CNTNAP3B: variants seen among roughly 807,000 people sequenced by gnomAD.
The protein encoded by CNTNAP3B is contactin associated protein family member 3B.
In CNTNAP3B, 25 loss-of-function variants were observed where a neutral mutation model predicts 108.9. That is an observed-to-expected ratio of 0.23 (90% CI 0.17 to 0.32). The LOEUF (loss-of-function observed/expected upper bound fraction) is 0.32. Among genes scored for constraint, CNTNAP3B ranks in the 10% least tolerant of loss-of-function variants. CNTNAP3B has a pLI of 1.00. For missense variants in CNTNAP3B, 252 were observed against 1,210.4 expected (o/e 0.21, Z 11.75); for synonymous variants, 103 against 473.4 (o/e 0.22, Z 10.16).
At chr9:41,954,914 A>G (rs1165382511) in intron 12 of CNTNAP3B, among the ~76,000 whole-genome samples, 5 of 152,064 alleles carry the variant, frequency 3.3e-5, no homozygotes, top group African/African-American at 1.2e-4. Flanking sequence ...TTGAACTCCC[A>G]ACCTCAGGTG....
intron 3 of CNTNAP3B, among the ~76,000 whole-genome samples, chr9:42,035,802 T>A (rs1161964934): frequency 4.0e-5 from 6 of 149,050 alleles, no homozygotes; most frequent in Non-Finnish European, 7.4e-5. Context: ...GGACTACAGG[T>A]GTGTGCCACT....
intron 18 of CNTNAP3B, among the ~76,000 whole-genome samples, chr9:41,918,452 A>G (rs1455054267): frequency 6.9e-6 from 1 of 145,384 alleles, no homozygotes; most frequent in Non-Finnish European, 1.5e-5. Context: ...TGTTTAGTAC[A>G]CACATACACA....
chr9:41,952,995 G>A (rs867154655), intron 13 of CNTNAP3B, among the ~76,000 whole-genome samples, 188 bp downstream of exon 13: 3 of 152,376 alleles, frequency 2.0e-5, no homozygotes, highest in Admixed American at 2.0e-4. Flanking sequence ...GTCTCTCAAC[G>A]GTCAGGAAGG....
intron 1 of CNTNAP3B, among the ~76,000 whole-genome samples, chr9:42,128,036 T>C (rs969306777): frequency 7.2e-6 from 1 of 138,848 alleles, no homozygotes; most frequent in South Asian, 2.3e-4. Context: ...GAGATGCCAC[T>C]GAAAGAAAAA....
chr9:41,962,437 C>A (rs562460816), intron 11 of CNTNAP3B, among the ~76,000 whole-genome samples: 30 of 152,188 alleles, frequency 2.0e-4, no homozygotes, highest in Admixed American at 8.5e-4. Flanking sequence ...ACTAATATAA[C>A]TCATTGATTA....
chr9:41,955,085 T>C (rs1345462513), intron 12 of CNTNAP3B, among the ~76,000 whole-genome samples: 3 of 150,740 alleles, frequency 2.0e-5, no homozygotes, highest in Non-Finnish European at 4.4e-5. Flanking sequence ...GAAAAACCTA[T>C]GGAACACTAA....
intron 15 of CNTNAP3B, among the ~76,000 whole-genome samples, chr9:41,927,507 C>T (rs1823854120): frequency 6.9e-6 from 1 of 144,128 alleles, no homozygotes; most frequent in African/African-American, 2.6e-5. Flanking sequence ...AAAAGCCAGA[C>T]TGAATGGGAG....
chr9:41,935,108 C>T (rs1824116803), intron 14 of CNTNAP3B, among the ~76,000 whole-genome samples: 1 of 152,272 alleles, frequency 6.6e-6, no homozygotes, highest in Non-Finnish European at 1.5e-5. Flanking sequence ...TATTGACTTG[C>T]AGCATAGTTC....
chr9:42,080,415 A>G (rs145915180), intron 2 of CNTNAP3B, among the ~76,000 whole-genome samples: 2 of 139,954 alleles, frequency 1.4e-5, no homozygotes, highest in African/African-American at 5.7e-5. Flanking sequence ...TCCCAGATGC[A>G]TTTTAAGGGT....
At chr9:41,947,698 A>G (rs1273871266) in intron 13 of CNTNAP3B, among the ~76,000 whole-genome samples, 2 of 152,080 alleles carry the variant, frequency 1.3e-5, no homozygotes, top group East Asian at 3.9e-4. Flanking sequence ...AGATTTCAAT[A>G]GAATTTGAAA....
At chr9:41,927,473 GGGAAGGAA>G (rs199924846) in intron 15 of CNTNAP3B, among the ~76,000 whole-genome samples, 10 of 130,256 alleles carry the variant, frequency 7.7e-5, no homozygotes, top group Middle Eastern at 3.8e-3. Flanking sequence ...GGAGGGAGTG[GGGAAGGAA>G]GGAAGGAAGG....
intron 3 of CNTNAP3B, among the ~76,000 whole-genome samples, chr9:42,018,720 C>G (rs1254769752): frequency 6.6e-6 from 1 of 151,598 alleles, no homozygotes; most frequent in African/African-American, 2.4e-5. Flanking sequence ...GTAAGTGATA[C>G]ATCATATGAT....
At chr9:41,939,034 A>T (rs1264103228) in intron 13 of CNTNAP3B, among the ~76,000 whole-genome samples, 1 of 152,278 alleles carries the variant, frequency 6.6e-6, no homozygotes, top group Non-Finnish European at 1.5e-5. Context: ...AGCTCTGACG[A>T]GTGCGCCTCC....
rs1267095327 is a variant in CNTNAP3B, at chr9:42,114,683, T to C, written c.86-9944A>G. 3.4e-5 allele frequency among the ~76,000 whole-genome samples: 4 copies of C among 117,920 alleles called. 1 individual carries two copies. In the Middle Eastern group the frequency reaches 0.011, roughly 335 times the overall value. The allele number at this position is 117,920 out of a possible 152,430, so 77.4% of individuals were successfully genotyped here. A position where few individuals can be genotyped will look rare whatever the true frequency, so the allele number is the denominator to read the frequency against. On this transcript the variant is annotated intron_variant, in intron 1 of 23. Coordinates refer to ENST00000377561, the MANE Select transcript of CNTNAP3B (RefSeq NM_001201380.3). ...ACTATACAAAGAGACACTGTTGTTATGATTGAGGACAACATCGTTCATCAA... is the reference window on the plus strand; with the variant it reads ...ACTATACAAAGAGACACTGTTGTTACGATTGAGGACAACATCGTTCATCAA...
rs563699470 is a variant in CNTNAP3B at position 41,950,525 on chromosome 9, A to G, written c.2080+2658T>C. Among the ~76,000 whole-genome samples the G allele has an allele frequency of 3.5e-3, 394 of 113,376 alleles. 8 individuals carry two copies. The highest frequency in any genetic ancestry group is 0.013 in the African/African-American group (381 of 30,456). The allele number at this position is 113,376 out of a possible 152,430, so 74.4% of individuals were successfully genotyped here. A position where few individuals can be genotyped will look rare whatever the true frequency, so the allele number is the denominator to read the frequency against. On this transcript the variant is annotated intron_variant, in intron 13 of 23. Coordinates refer to ENST00000377561, the MANE Select transcript of CNTNAP3B (RefSeq NM_001201380.3). ...TGAGTGAATAAACTCTGGCATATCCATGCCACCGATTGCTAATCAGCAATG... is the reference window on the plus strand; with the variant it reads ...TGAGTGAATAAACTCTGGCATATCCGTGCCACCGATTGCTAATCAGCAATG...
chr9:41,923,851 C>T (rs1420599010), intron 16 of CNTNAP3B, 72 bp downstream of exon 16: 1 of 1,572,912 alleles, frequency 6.4e-7, no homozygotes, highest in Non-Finnish European at 8.6e-7. Context: ...GAAATACTAC[C>T]ATTTTGTTGA....
chr9:41,919,131 C>T (rs1360137428), intron 18 of CNTNAP3B, among the ~76,000 whole-genome samples: 1 of 152,084 alleles, frequency 6.6e-6, no homozygotes, highest in Non-Finnish European at 1.5e-5. Flanking sequence ...GTCCCTTTTT[C>T]CTTTTCTTTT....
chr9:42,088,371 CA>C (rs1827748009), intron 2 of CNTNAP3B, among the ~76,000 whole-genome samples: 1 of 135,532 alleles, frequency 7.4e-6, no homozygotes. Flanking sequence ...AGAATCAGAC[CA>C]GCCAAATATT....
At position 42,030,750 on chromosome 9, in the gene CNTNAP3B, C is replaced by G. The variant is rs866457172; in HGVS notation, c.391-17225G>C. Among the ~76,000 whole-genome samples, 22 of 60,436 alleles carry G rather than the reference C, an allele frequency of 3.6e-4. 1 individual carries two copies. The highest frequency in any genetic ancestry group is 5.9e-4 in the Non-Finnish European group (20 of 33,846). 39.6% of individuals were successfully genotyped at this position (60,436 alleles called of 152,430 possible). A position where few individuals can be genotyped will look rare whatever the true frequency, so the allele number is the denominator to read the frequency against. On this transcript the variant is annotated intron_variant, in intron 3 of 23. Transcript: ENST00000377561. ...CGGAGAAGGGAGTGAGAAAGAGATA[C>G]AGAGAGAGAGAGAGAGAGAGAGAGA...
Sources: gnomAD v4.1 joint callset for allele counts (sites outside exome capture counted in the v4.1 genomes callset) on GRCh38, gnomAD v4.1.1 for gene constraint, MANE v1.5 for transcripts, NCBI Gene and HGNC (gene_info 2026-07-23, HGNC 2026-07-21) for gene names.